CPLANE1: variants seen among roughly 807,000 people sequenced by gnomAD.
CPLANE1 encodes ciliogenesis and planar polarity effector 1.
CPLANE1 carries 263 observed loss-of-function variants against 362.5 expected under a neutral mutation model. The ratio of observed to expected loss-of-function variants is 0.73; its 90% CI spans 0.66 to 0.80. The LOEUF is 0.80. Among genes scored for constraint, CPLANE1 ranks in the 30% least tolerant of loss-of-function variants. The pLI, the probability that CPLANE1 is intolerant of heterozygous loss-of-function variation, is 0.00. For missense variants in CPLANE1, 3,461 were observed against 3,793.4 expected (o/e 0.91, Z 2.30); for synonymous variants, 1,212 against 1,302.6 (o/e 0.93, Z 1.50).
At chr5:37,144,367 C>G (rs1033244660) in intron 43 of CPLANE1, among the ~76,000 whole-genome samples, 2 of 144,098 alleles carry the variant, frequency 1.4e-5, no homozygotes, top group South Asian at 2.2e-4. Context: ...GAGATCGCAC[C>G]ACTGCACTCC....
Position 37,126,159 on chromosome 5 carries a change from A to C in CPLANE1, c.8793-750T>G, listed in dbSNP as rs56725398. ...CTGAGGTGGGTGGGAGGATCACTTG[A>C]GCCTGGGAGGTCGAAGCTGCAGTGA... is the stretch of plus-strand genomic sequence containing the variant. On this transcript the variant is annotated intron_variant, in intron 46 of 52. Coordinates refer to ENST00000651892, the MANE Select transcript of CPLANE1 (RefSeq NM_001384732.1). Among the ~76,000 whole-genome samples, 1,108 of 152,324 alleles carry C rather than the reference A, an allele frequency of 7.3e-3. 17 individuals are homozygous for C. The highest frequency in any genetic ancestry group is 0.025 in the African/African-American group (1,042 of 41,578).
chr5:37,121,574 C>A (rs1401634772), intron 49 of CPLANE1, 43 bp downstream of exon 49: 1 of 1,579,658 alleles, frequency 6.3e-7, no homozygotes, highest in Non-Finnish European at 8.7e-7. Context: ...TCTTATCAGG[C>A]CTGACGTTAT....
intron 42 of CPLANE1, among the ~76,000 whole-genome samples, chr5:37,152,349 ATTT>A (rs941405682): frequency 2.0e-4 from 31 of 152,068 alleles, no homozygotes; most frequent in Non-Finnish European, 3.7e-4. Context: ...ACTTATTATT[ATTT>A]TTATGGAGAT....
intron 46 of CPLANE1, among the ~76,000 whole-genome samples, chr5:37,125,627 C>T (rs1763926192): frequency 6.6e-6 from 1 of 152,202 alleles, no homozygotes. Flanking sequence ...TTACCTTAAA[C>T]TCGATTTTCC....
At chr5:37,217,676 A>G (rs1794408076) in intron 15 of CPLANE1, among the ~76,000 whole-genome samples, 1 of 150,678 alleles carries the variant, frequency 6.6e-6, no homozygotes, top group Admixed American at 6.6e-5. Flanking sequence ...TGCAGTGCTA[A>G]TGTTAATAAC....
intron 46 of CPLANE1, among the ~76,000 whole-genome samples, chr5:37,132,401 T>G (rs301865): frequency 1 from 144,880 of 144,888 alleles, 72,436 homozygotes; most frequent in Non-Finnish European, 1. Context: ...CTGGAGTGCA[T>G]TGGCGCAATC....
chr5:37,198,632 T>G, intron 20 of CPLANE1, 70 bp downstream of exon 20: 2 of 1,418,824 alleles, frequency 1.4e-6, no homozygotes. Flanking sequence ...ATAACAATTA[T>G]AAAAACAATA....
chr5:37,243,006 A>C lies in CPLANE1; in HGVS notation c.677+7T>G. ...TAAGAAAAGGAAGAAGAAAACATTT[A>C]CCTCACCTTACAGATGTAAATACAT... On this transcript the variant is annotated splice_region_variant and intron_variant, in intron 6 of 52. Coordinates refer to ENST00000651892, the MANE Select transcript of CPLANE1 (RefSeq NM_001384732.1). The C allele has an allele frequency of 2.0e-6, 3 of 1,512,262 alleles. No individual in the cohort carries two copies. The highest frequency in any genetic ancestry group is 2.7e-6 in the Non-Finnish European group (3 of 1,122,746). The allele number at this position is 1,512,262 out of a possible 1,614,324, so 93.7% of individuals were successfully genotyped here.
Position 37,227,050 on chromosome 5 carries a change from G to A in CPLANE1, c.1545C>T (p.Asn515=), listed in dbSNP as rs773819961. ...DFQDFEAEET[N]EGRHFPDNLC... is the part of the protein sequence containing the mutation. ...AGTTGTCTGGAAAGTGTCTGCCTTC[G>A]TTAGTTTCTTCTGCTTCAAAATCCT... is the stretch of plus-strand genomic sequence containing the variant. The change falls in exon 12 of 53, where the codon AAC becomes AAT. Residue 515 remains asparagine (N), a synonymous_variant. Transcript: ENST00000651892. The A allele has an allele frequency of 6.1e-5, 95 of 1,545,930 alleles. 1 individual carries two copies. Among genetic ancestry groups the A allele is most frequent in the Middle Eastern group, 5.0e-4 (3 of 5,994 alleles).
rs1787286768 is a variant in CPLANE1, at chr5:37,195,937, G to A, written c.3732C>T (p.Tyr1244=). 6.2e-7 allele frequency: 1 copy of A among 1,612,370 alleles called. No homozygotes were observed. The highest frequency in any genetic ancestry group is 8.5e-7 in the Non-Finnish European group (1 of 1,179,226). ...TAAAAAATGCGATACCTCCTTTACA[G>A]TAATTAAGTAATGACTGAGGAAAAG... ...LSPFPQSLLN[Y]CKGGIAFFRP... is the part of the protein sequence containing the mutation. The change falls in exon 21 of 53, where the codon TAC becomes TAT. Residue 1244 remains tyrosine (Y), a synonymous_variant. Transcript: ENST00000651892.
At chr5:37,166,934 A>T (rs1460202522) in intron 35 of CPLANE1, 113 bp downstream of exon 35, 15 of 769,922 alleles carry the variant, frequency 1.9e-5, no homozygotes, top group Non-Finnish European at 2.9e-5. Flanking sequence ...AAGAAAACTG[A>T]ATGTGCAATT....
rs73750947 is a variant in CPLANE1, at chr5:37,177,926, A to G, written c.5821-226T>C. Reference sequence around the variant, plus strand: ...ACTGGGCTATTGAGCATGCTAAGTTACAAAGACAAGATTGTGTCAGTAGAC... The same window carrying G: ...ACTGGGCTATTGAGCATGCTAAGTTGCAAAGACAAGATTGTGTCAGTAGAC... On this transcript the variant is annotated intron_variant, in intron 29 of 52. Coordinates refer to ENST00000651892, the MANE Select transcript of CPLANE1 (RefSeq NM_001384732.1). Among the ~76,000 whole-genome samples the G allele has an allele frequency of 0.027, 4,109 of 152,292 alleles. 202 individuals are homozygous for G. Among genetic ancestry groups the G allele is most frequent in the African/African-American group, 0.093 (3,878 of 41,548 alleles).
intron 16 of CPLANE1, chr5:37,210,169 A>G (rs1792187211): frequency 7.9e-7 from 1 of 1,262,424 alleles, no homozygotes; most frequent in Admixed American, 1.7e-5. Context: ...AGCACCCTTG[A>G]GAGAATTCAA....
At chr5:37,177,796 A>G in intron 29 of CPLANE1, 96 bp from the exon 30 acceptor site, 1 of 867,094 alleles carries the variant, frequency 1.2e-6, no homozygotes, top group Admixed American at 2.1e-5. Flanking sequence ...ACTTAACCAG[A>G]GTAACAACAG....
rs1053989047 is a variant in CPLANE1 at position 37,201,928 on chromosome 5, C to T, written c.3290-120G>A. On this transcript the variant is annotated intron_variant, in intron 18 of 52. Transcript: ENST00000651892. ...TGTCAAGAATGAACACATTGGTTGA[C>T]ATACAAACATCCAAACTTACAGACA... 4.6e-6 allele frequency: 3 copies of T among 648,278 alleles called. No homozygotes were observed. The East Asian group carries it at 8.2e-5, about 18-fold the overall frequency. 40.2% of individuals were successfully genotyped at this position (648,278 alleles called of 1,614,324 possible).
chr5:37,138,970 A>G, intron 45 of CPLANE1, 122 bp from the exon 46 acceptor site: 5 of 818,040 alleles, frequency 6.1e-6, no homozygotes, highest in Non-Finnish European at 9.2e-6. Context: ...TGTTCCTTCT[A>G]TTTCTGTAAT....
Position 37,198,806 on chromosome 5 carries a change from T to C in CPLANE1, c.3568A>G (p.Ile1190Val), listed in dbSNP as rs1418793562. 3.1e-6 allele frequency: 5 copies of C among 1,614,020 alleles called. No individual in the cohort carries two copies. The highest frequency in any genetic ancestry group is 2.2e-5 in the East Asian group (1 of 44,898). ...EKNNRQKVSG[I>V]LQRVLLLFRA... ...AAAAGCAGGAGAACACGCTGAAGGA[T>C]TCCAGATACCTTCTGGCGATTATTT... Residue 1190 changes from isoleucine to valine, a missense_variant, in exon 20 of 53, where the codon ATC becomes GTC. Coordinates refer to ENST00000651892, the MANE Select transcript of CPLANE1 (RefSeq NM_001384732.1).
rs193299647 is a variant in CPLANE1 at position 37,211,323 on chromosome 5, C to T, written c.2920+2236G>A. The T allele has an allele frequency of 2.4e-4, 358 of 1,504,492 alleles. 2 individuals are homozygous for T. In the East Asian group the frequency reaches 7.8e-3, roughly 33 times the overall value. The allele number at this position is 1,504,492 out of a possible 1,614,324, so 93.2% of individuals were successfully genotyped here. ...GGAAAAGGCTTTCAGAAGTTACCAT[C>T]GGAGAGACATTAAAAACTCTGCCAA... On this transcript the variant is annotated intron_variant, in intron 16 of 52. Transcript: ENST00000651892.
intron 44 of CPLANE1, 56 bp downstream of exon 44, chr5:37,142,254 G>A: frequency 1.4e-6 from 2 of 1,386,048 alleles, no homozygotes; most frequent in Non-Finnish European, 1.9e-6. Context: ...ATCATGTTCA[G>A]TAACATTATA....
Sources: gnomAD v4.1 joint callset for allele counts (sites outside exome capture counted in the v4.1 genomes callset) on GRCh38, gnomAD v4.1.1 for gene constraint, MANE v1.5 for transcripts, NCBI Gene and HGNC (gene_info 2026-07-23, HGNC 2026-07-21) for gene names.